HTR2C: variants seen among roughly 807,000 people sequenced by gnomAD.
HTR2C encodes the protein 5-hydroxytryptamine receptor 2C.
HTR2C carries 5 observed loss-of-function variants against 21.0 expected under a neutral mutation model. That is an observed-to-expected ratio of 0.24 (90% confidence interval 0.12 to 0.50). HTR2C has a LOEUF of 0.50. HTR2C is among the 20% of genes least tolerant of loss of function. The pLI is 0.98. For synonymous variants in HTR2C, 150 were observed against 145.3 expected, an observed-to-expected ratio of 1.03 and a Z score of -0.23; for missense variants, 271 against 371.2, an observed-to-expected ratio of 0.73 and a Z score of 2.22.
intron 2 of HTR2C, among the ~76,000 whole-genome samples, chrX:114,702,247 A>G (rs1227808134): frequency 1.8e-5 from 2 of 108,530 alleles, no homozygotes; most frequent in East Asian, 2.9e-4. Context: ...CAACTCCAAG[A>G]CACATAATTG....
intron 5 of HTR2C, among the ~76,000 whole-genome samples, chrX:114,854,798 G>GA (rs782329042): frequency 2.7e-5 from 3 of 111,147 alleles, no homozygotes; most frequent in African/African-American, 3.3e-5. Flanking sequence ...TGCAGAATGG[G>GA]AAAAAATATT....
intron 4 of HTR2C, among the ~76,000 whole-genome samples, chrX:114,822,505 C>T (rs1213230622): frequency 8.9e-6 from 1 of 112,009 alleles, no homozygotes; most frequent in Non-Finnish European, 1.9e-5. Context: ...AAGATCCATA[C>T]AATAGAAGAA....
In HTR2C at chrX:114,726,617, A is replaced by G. The variant is rs1019441576; in HGVS notation, c.-79-241A>G. The stretch of plus-strand genomic sequence containing the variant: ...CTACTCCAAGAGGGGGAAATTTGGT[A>G]TAAACCATGTATAAATAAAACATAT... On this transcript the variant is annotated intron_variant, in intron 2 of 5. Transcript: ENST00000276198. Among the ~76,000 whole-genome samples, 3 of 112,617 alleles carry G rather than the reference A, an allele frequency of 2.7e-5. No individual in the cohort carries two copies. In the East Asian group the frequency reaches 8.4e-4, roughly 31 times the overall value.
chrX:114,599,145 CA>C (rs782228485), intron 1 of HTR2C, among the ~76,000 whole-genome samples: 5 of 110,965 alleles, frequency 4.5e-5, no homozygotes, highest in Admixed American at 3.8e-4. Context: ...TTTTTGGCTT[CA>C]AAAATTAGAA....
rs1426912448 is a variant in HTR2C at position 114,627,514 on chromosome X, CATAAA to C, written c.-80+13639_-80+13643del. Among the ~76,000 whole-genome samples, 3 of 111,090 alleles carry C rather than the reference CATAAA, an allele frequency of 2.7e-5. No individual in the cohort carries two copies. The East Asian group carries it at 8.5e-4, about 31-fold the overall frequency. On this transcript the variant is annotated intron_variant, in intron 2 of 5. Coordinates refer to ENST00000276198, the MANE Select transcript of HTR2C (RefSeq NM_000868.4). ...TTATTGGTGCGATAAGATTAATTAA[CATAAA>C]ATAAAGAAAAAGAACAGTGTGCTCT...
At chrX:114,825,597 G>A (rs1467878348) in intron 4 of HTR2C, among the ~76,000 whole-genome samples, 1 of 111,352 alleles carries the variant, frequency 9.0e-6, no homozygotes, top group African/African-American at 3.3e-5. Context: ...CCTGTTGTCA[G>A]GTGGTATGTT....
At chrX:114,839,674 C>A (rs781959858) in intron 4 of HTR2C, among the ~76,000 whole-genome samples, 11 of 108,623 alleles carry the variant, frequency 1.0e-4, no homozygotes, top group Non-Finnish European at 2.1e-4. Context: ...GTGACAGAGC[C>A]AGATCCTGTC....
At chrX:114,798,477 G>A (rs920894119) in intron 4 of HTR2C, among the ~76,000 whole-genome samples, 3 of 111,603 alleles carry the variant, frequency 2.7e-5, no homozygotes, top group Admixed American at 9.6e-5. Context: ...TCCCTAGGAT[G>A]TATGTATTTT....
Position 114,811,146 on chromosome X carries a change from G to A in HTR2C, c.350-36857G>A, listed in dbSNP as rs1377462319. Among the ~76,000 whole-genome samples, 6 of 111,268 alleles carry A rather than the reference G, an allele frequency of 5.4e-5. No homozygotes were observed. In the Admixed American group the frequency reaches 5.8e-4, roughly 11 times the overall value. ...GGGCACTGCTAAAGTTGTCTTTCCC[G>A]CATCAGGCAAAATGTCTTGCTATCA... is the stretch of plus-strand genomic sequence containing the variant. On this transcript the variant is annotated intron_variant, in intron 4 of 5. Transcript: ENST00000276198.
chrX:114,892,292 G>A (rs1340260158), intron 5 of HTR2C, among the ~76,000 whole-genome samples: 9 of 111,544 alleles, frequency 8.1e-5, no homozygotes, highest in Admixed American at 7.7e-4. Flanking sequence ...ACCAATGAAG[G>A]CATTTGCATC....
At chrX:114,619,530 C>G (rs1427318886) in intron 2 of HTR2C, among the ~76,000 whole-genome samples, 1 of 111,527 alleles carries the variant, frequency 9.0e-6, no homozygotes, top group African/African-American at 3.3e-5. Context: ...AGCACATGCT[C>G]TCTCTGATCA....
intron 4 of HTR2C, among the ~76,000 whole-genome samples, chrX:114,756,552 A>C (rs1394989405): frequency 1.8e-5 from 2 of 112,166 alleles, no homozygotes; most frequent in African/African-American, 6.5e-5. Context: ...TTCTCCAGAG[A>C]ATTACGCTAA....
intron 1 of HTR2C, among the ~76,000 whole-genome samples, chrX:114,612,828 GC>G (rs1317799717): frequency 8.9e-5 from 10 of 111,870 alleles, no homozygotes; most frequent in African/African-American, 3.2e-4. Flanking sequence ...ATAATTCAGG[GC>G]AAGTCTGTAA....
intron 4 of HTR2C, among the ~76,000 whole-genome samples, chrX:114,837,841 C>G (rs1182876290): frequency 2.7e-5 from 3 of 111,256 alleles, no homozygotes; most frequent in African/African-American, 9.8e-5. Context: ...TGTCCAATTT[C>G]TAAATTTAAT....
chrX:114,737,425 A>C (rs1211782669), intron 4 of HTR2C, among the ~76,000 whole-genome samples: 8 of 109,839 alleles, frequency 7.3e-5, no homozygotes, highest in Admixed American at 6.8e-4. Flanking sequence ...ACGGGGTTTC[A>C]CAATGTTGGC....
chrX:114,646,399 T>A (rs1420473351), intron 2 of HTR2C, among the ~76,000 whole-genome samples: 2 of 112,169 alleles, frequency 1.8e-5, no homozygotes, highest in Non-Finnish European at 3.8e-5. Flanking sequence ...AATTTTAAAT[T>A]GTTAAAAATC....
At chrX:114,665,378 G>A (rs905188505) in intron 2 of HTR2C, among the ~76,000 whole-genome samples, 1 of 111,869 alleles carries the variant, frequency 8.9e-6, no homozygotes, top group Non-Finnish European at 1.9e-5. Context: ...CAAAACAATG[G>A]ACTGGCATAA....
chrX:114,758,153 T>C (rs1358057222), intron 4 of HTR2C, among the ~76,000 whole-genome samples: 1 of 112,132 alleles, frequency 8.9e-6, no homozygotes, highest in Non-Finnish European at 1.9e-5. Context: ...ACATTTATTT[T>C]GTTCATTGGA....
chrX:114,809,091 T>C (rs1556451843), intron 4 of HTR2C, among the ~76,000 whole-genome samples: 1 of 110,781 alleles, frequency 9.0e-6, no homozygotes, highest in Non-Finnish European at 1.9e-5. Context: ...GGGTGGTGAG[T>C]TTCCTTGGCC....
Sources: allele counts gnomAD v4.1 joint callset (sites outside exome capture counted in the v4.1 genomes callset), GRCh38; gene constraint gnomAD v4.1.1; transcripts MANE v1.5; gene names NCBI Gene and HGNC (gene_info 2026-07-23, HGNC 2026-07-21).